The following BIRC6 variants were observed in gnomAD, a reference collection of about 807,000 sequenced individuals.
BIRC6 encodes the protein dual E2 ubiquitin-conjugating enzyme/E3 ubiquitin-protein ligase BIRC6.
In BIRC6, 98 loss-of-function variants were observed where a neutral mutation model predicts 503.3. The observed-to-expected ratio is 0.19, with a 90% confidence interval of 0.17 to 0.23. The LOEUF (loss-of-function observed/expected upper bound fraction) is 0.23, where lower values mean the gene tolerates loss of function less well. Among genes scored for constraint, BIRC6 ranks in the 10% least tolerant of loss-of-function variants. The pLI is 1.00. For synonymous variants in BIRC6, 2,240 were observed against 2,078.7 expected (o/e 1.08, Z -2.11); for missense variants, 5,360 against 5,806.0 (o/e 0.92, Z 2.50).
intron 6 of BIRC6, 82 bp from the exon 7 acceptor site, chr2:32,401,069 TTAAAAAAAGATG>T: frequency 7.4e-6 from 8 of 1,080,534 alleles, no homozygotes; most frequent in Non-Finnish European, 9.5e-6. Context: ...TTAAGTTCAG[TTAAAAAAAGATG>T]ATGATCCTGG....
chr2:32,448,942 T>G lies in BIRC6; in HGVS notation c.4618+14T>G. ...ATGTCCTTTCAGGTAGTGATTTCTTTTATTAAAGGAAATTCTGAATGTTGT... is the reference window on the plus strand; with the variant it reads ...ATGTCCTTTCAGGTAGTGATTTCTTGTATTAAAGGAAATTCTGAATGTTGT... On this transcript the variant is annotated intron_variant, in intron 22 of 73. Coordinates refer to ENST00000421745, the MANE Select transcript of BIRC6 (RefSeq NM_016252.4). The G allele has an allele frequency of 6.2e-7, 1 of 1,602,832 alleles. No homozygotes were observed.
At chr2:32,545,896 A>G in intron 63 of BIRC6, 36 bp downstream of exon 63, 1 of 1,560,686 alleles carries the variant, frequency 6.4e-7, no homozygotes. Flanking sequence ...TTATTAAAAA[A>G]ACTAGATTTA....
chr2:32,585,671 T>C (rs2151248758), intron 66 of BIRC6, among the ~76,000 whole-genome samples: 1 of 152,308 alleles, frequency 6.6e-6, no homozygotes, highest in South Asian at 2.1e-4. Flanking sequence ...TGAGCCACCG[T>C]GCCCAGCCGA....
intron 6 of BIRC6, among the ~76,000 whole-genome samples, chr2:32,397,796 TAC>T (rs1440862193): frequency 1.3e-5 from 2 of 152,096 alleles, no homozygotes. Context: ...TGAAAAGTTA[TAC>T]AGTATTATCA....
Position 32,510,073 on chromosome 2 carries a change from ACT to A in BIRC6, c.10237+82_10237+83del, listed in dbSNP as rs2054241643. On this transcript the variant is annotated intron_variant, in intron 52 of 73. Transcript: ENST00000421745. ...TTGAACTGTGCGATCTTCGTGCTTA[ACT>A]CTGTTTTGGGAATTATTTTTTCTTT... 3.4e-6 allele frequency: 5 copies of A among 1,476,206 alleles called. No homozygotes were observed. The African/African-American group carries it at 4.3e-5, about 13-fold the overall frequency. The allele number at this position is 1,476,206 out of a possible 1,614,324, so 91.4% of individuals were successfully genotyped here. A position where few individuals can be genotyped will look rare whatever the true frequency, so the allele number is the denominator to read the frequency against.
chr2:32,610,597 A>T (rs1901355), intron 72 of BIRC6, among the ~76,000 whole-genome samples: 1 of 151,990 alleles, frequency 6.6e-6, no homozygotes, highest in Non-Finnish European at 1.5e-5. Context: ...TCTGTTGTCA[A>T]TACTTTTTAA....
intron 21 of BIRC6, among the ~76,000 whole-genome samples, chr2:32,448,415 G>A (rs1293929020): frequency 6.7e-6 from 1 of 150,208 alleles, no homozygotes; most frequent in Admixed American, 6.6e-5. Context: ...TCGGGAGGCC[G>A]AGGCTGGCGG....
intron 44 of BIRC6, among the ~76,000 whole-genome samples, chr2:32,492,729 C>T (rs987673086): frequency 6.6e-6 from 1 of 151,978 alleles, no homozygotes; most frequent in African/African-American, 2.4e-5. Context: ...TACTGAAGAT[C>T]AAGCTTTCCT....
intron 2 of BIRC6, 150 bp downstream of exon 2, chr2:32,377,919 A>G (rs1195240226): frequency 2.9e-6 from 2 of 685,546 alleles, no homozygotes; most frequent in African/African-American, 1.9e-5. Context: ...TCATTTAAAT[A>G]TTAATACTCA....
chr2:32,459,449 T>G (rs1212257406), intron 23 of BIRC6, among the ~76,000 whole-genome samples: 1 of 152,226 alleles, frequency 6.6e-6, no homozygotes, highest in Non-Finnish European at 1.5e-5. Context: ...TTTTCAGTTC[T>G]CTTGGGTATG....
chr2:32,543,303 A>T lies in BIRC6; in HGVS notation c.12354A>T (p.Glu4118Asp). 1 of 1,614,012 alleles carries T rather than the reference A, an allele frequency of 6.2e-7. No homozygotes were observed. The highest frequency in any genetic ancestry group is 8.5e-7 in the Non-Finnish European group (1 of 1,179,892). The change falls in exon 62 of 74, where the codon GAA becomes GAT. Residue 4118 changes from glutamate to aspartate, a missense_variant. Coordinates refer to ENST00000421745, the MANE Select transcript of BIRC6 (RefSeq NM_016252.4). Reference sequence around the variant, plus strand: ...AGCCGAAGGATAGCGATCAGTTTGAATGGGTGACCATTGAACAGTCAGGGG... The same window carrying T: ...AGCCGAAGGATAGCGATCAGTTTGATTGGGTGACCATTGAACAGTCAGGGG... ...QEKPKDSDQF[E>D]WVTIEQSGEL...
In BIRC6 at chr2:32,403,014, G is replaced by A. The variant is rs116301510; in HGVS notation, c.1418+1391G>A. Among the ~76,000 whole-genome samples the A allele has an allele frequency of 7.4e-3, 1,121 of 152,248 alleles. 8 individuals carry two copies. The highest frequency in any genetic ancestry group is 0.02 in the Middle Eastern group (6 of 294). On this transcript the variant is annotated intron_variant, in intron 8 of 73. Coordinates refer to ENST00000421745, the MANE Select transcript of BIRC6 (RefSeq NM_016252.4). Reference sequence around the variant, plus strand: ...ATATGGGGTAATGTGCTTGAGTTGAGGTAATCTCTACTTGCTTTTAAGAAA... The same window carrying A: ...ATATGGGGTAATGTGCTTGAGTTGAAGTAATCTCTACTTGCTTTTAAGAAA...
At chr2:32,610,140 T>A (rs2062764345) in intron 72 of BIRC6, among the ~76,000 whole-genome samples, 1 of 152,196 alleles carries the variant, frequency 6.6e-6, no homozygotes, top group Admixed American at 6.5e-5. Flanking sequence ...CTATTAAATG[T>A]GGTGGGATCG....
chr2:32,427,917 C>T (rs928515223), intron 10 of BIRC6, among the ~76,000 whole-genome samples: 5 of 152,176 alleles, frequency 3.3e-5, no homozygotes, highest in African/African-American at 1.2e-4. Context: ...AACAAACAAA[C>T]TGTTGAATCT....
intron 60 of BIRC6, 34 bp from the exon 61 acceptor site, chr2:32,531,321 T>G: frequency 6.5e-7 from 1 of 1,536,068 alleles, no homozygotes; most frequent in Non-Finnish European, 8.9e-7. Context: ...ATACCCTTTC[T>G]TACCTATTCA....
chr2:32,570,541 C>T (rs888862773), intron 65 of BIRC6, among the ~76,000 whole-genome samples: 1 of 151,964 alleles, frequency 6.6e-6, no homozygotes, highest in South Asian at 2.1e-4. Flanking sequence ...CTCTGTCACC[C>T]AGGCTGGAGT....
intron 65 of BIRC6, chr2:32,574,531 T>G (rs1241825948): frequency 1.3e-5 from 2 of 155,986 alleles, no homozygotes; most frequent in Admixed American, 1.2e-4. Flanking sequence ...TTATATACTG[T>G]AAGGTAAGGA....
chr2:32,446,535 G>C (rs566499589), intron 21 of BIRC6, among the ~76,000 whole-genome samples: 1 of 152,030 alleles, frequency 6.6e-6, no homozygotes, highest in Non-Finnish European at 1.5e-5. Context: ...AGGCTATGTC[G>C]TAATGATTCA....
intron 49 of BIRC6, among the ~76,000 whole-genome samples, chr2:32,503,624 G>C (rs1245802907): frequency 1.3e-5 from 2 of 151,960 alleles, no homozygotes; most frequent in Non-Finnish European, 2.9e-5. Flanking sequence ...GTTTCACCAT[G>C]TTGGCCAGGC....
Sources: allele counts gnomAD v4.1 joint callset (sites outside exome capture counted in the v4.1 genomes callset), GRCh38; gene constraint gnomAD v4.1.1; transcripts MANE v1.5; gene names NCBI Gene and HGNC (gene_info 2026-07-23, HGNC 2026-07-21).